PDE4D: variants seen among roughly 807,000 people sequenced by gnomAD.
PDE4D encodes the protein 3',5'-cyclic-AMP phosphodiesterase 4D.
PDE4D carries 24 observed loss-of-function variants against 87.4 expected under a neutral mutation model. The observed-to-expected ratio is 0.27, with a 90% CI of 0.20 to 0.39. PDE4D has a LOEUF of 0.39. Among genes scored for constraint, PDE4D ranks in the 10% least tolerant of loss-of-function variants. The pLI, the probability that PDE4D is intolerant of heterozygous loss-of-function variation, is 1.00. For missense variants in PDE4D, 714 were observed against 1,041.0 expected, an observed-to-expected ratio of 0.69 and a Z score of 4.32; for synonymous variants, 384 against 383.2, an observed-to-expected ratio of 1.00 and a Z score of -0.02.
In PDE4D at chr5:59,653,904, G is replaced by C. The variant is rs562137965; in HGVS notation, c.455+239264C>G. Among the ~76,000 whole-genome samples the C allele has an allele frequency of 7.5e-5, 11 of 146,990 alleles. No individual in the cohort carries two copies. In the South Asian group the frequency reaches 2.5e-3, roughly 33 times the overall value. On this transcript the variant is annotated intron_variant, in intron 1 of 14. Transcript: ENST00000340635. The stretch of plus-strand genomic sequence containing the variant: ...AGGGGAGAGGAGAAGGGTGGGAGGG[G>C]AGGGGAAAAAGGGAGGGGAGGCCAG...
In PDE4D at chr5:59,933,792, T is replaced by TATATATATATATATATATA. The variant is rs1561879282; in HGVS notation, c.272+54695_272+54696insTATATATATATATATATAT. Among the ~76,000 whole-genome samples the TATATATATATATATATATA allele has an allele frequency of 6.7e-4, 67 of 99,418 alleles. 1 individual carries two copies. Among genetic ancestry groups the TATATATATATATATATATA allele is most frequent in the African/African-American group, 3.2e-3 (65 of 20,540 alleles). 65.2% of individuals were successfully genotyped at this position (99,418 alleles called of 152,430 possible). On this transcript the variant is annotated intron_variant, in intron 3 of 16. Transcript: ENST00000502484. The stretch of plus-strand genomic sequence containing the variant: ...AGGAGATATATATATATATATATAT[T>TATATATATATATATATATA]AATAAGCATTCATATAAAAGATAAT...
rs145765922 is a variant in PDE4D, at chr5:59,726,684, G to A, written c.455+166484C>T. 1.7e-4 allele frequency among the ~76,000 whole-genome samples: 26 copies of A among 152,156 alleles called. No homozygotes were observed. In the East Asian group the frequency reaches 4.3e-3, roughly 25 times the overall value. The stretch of plus-strand genomic sequence containing the variant: ...CTGACTAAAACCCTCATGTGCCAAC[G>A]TAATATCGTTTTAGTTATAAATTTA... On this transcript the variant is annotated intron_variant, in intron 1 of 14. Transcript: ENST00000340635.
intron 5 of PDE4D, among the ~76,000 whole-genome samples, chr5:59,060,407 T>C (rs1043771700): frequency 2.0e-5 from 3 of 152,110 alleles, no homozygotes; most frequent in African/African-American, 7.2e-5. Context: ...CAAACACCAA[T>C]AACAAAAAAT....
intron 1 of PDE4D, among the ~76,000 whole-genome samples, chr5:59,350,948 T>C (rs1386740592): frequency 6.6e-6 from 1 of 152,208 alleles, no homozygotes; most frequent in Non-Finnish European, 1.5e-5. Flanking sequence ...ATGTGCAAGT[T>C]GCTTATAAGG....
At chr5:60,199,496 G>T (rs1317714158) in intron 1 of PDE4D, among the ~76,000 whole-genome samples, 1 of 151,656 alleles carries the variant, frequency 6.6e-6, no homozygotes, top group East Asian at 1.9e-4. Context: ...GCTAATAGAT[G>T]AATTTCTTAG....
intron 1 of PDE4D, among the ~76,000 whole-genome samples, chr5:59,880,977 C>T (rs1292090198): frequency 6.6e-6 from 1 of 152,094 alleles, no homozygotes; most frequent in Non-Finnish European, 1.5e-5. Flanking sequence ...CCACATCTTA[C>T]TACCCCCAAA....
intron 1 of PDE4D, among the ~76,000 whole-genome samples, chr5:59,396,473 A>T (rs1789444361): frequency 1.1e-5 from 1 of 92,886 alleles, no homozygotes; most frequent in Non-Finnish European, 2.1e-5. Flanking sequence ...TTTCATATCC[A>T]GCCAAACTAA....
At chr5:60,295,908 T>C (rs777884306) in intron 1 of PDE4D, among the ~76,000 whole-genome samples, 12 of 152,148 alleles carry the variant, frequency 7.9e-5, no homozygotes, top group Non-Finnish European at 1.6e-4. Context: ...ACAACAGTAA[T>C]TTATTTCTCA....
At chr5:60,320,130 C>T (rs1272907610) in intron 1 of PDE4D, among the ~76,000 whole-genome samples, 1 of 152,218 alleles carries the variant, frequency 6.6e-6, no homozygotes, top group East Asian at 1.9e-4. Context: ...TGGGCTCCAC[C>T]CAGTTCGAGC....
chr5:60,436,695 T>C (rs971636153), intron 1 of PDE4D, among the ~76,000 whole-genome samples: 16 of 152,176 alleles, frequency 1.1e-4, no homozygotes, highest in African/African-American at 3.9e-4. Flanking sequence ...TTAGAAGCAG[T>C]AGGAGTCTTC....
intron 1 of PDE4D, among the ~76,000 whole-genome samples, chr5:59,222,963 A>G (rs907420674): frequency 6.6e-6 from 1 of 152,170 alleles, no homozygotes. Context: ...TTTTTCTCCC[A>G]GGGAGATCTT....
At chr5:59,897,202 C>G (rs1751750992), upstream of PDE4D, among the ~76,000 whole-genome samples, 1 of 152,164 alleles carries the variant, frequency 6.6e-6, no homozygotes, top group Non-Finnish European at 1.5e-5. Context: ...ATGTCATTAC[C>G]ACCCCCACCC....
chr5:60,365,322 C>A (rs1191552595), intron 1 of PDE4D, among the ~76,000 whole-genome samples: 2 of 152,158 alleles, frequency 1.3e-5, no homozygotes, highest in Non-Finnish European at 2.9e-5. Context: ...TGATTTCCAG[C>A]TCCTTTTGAA....
intron 6 of PDE4D, among the ~76,000 whole-genome samples, chr5:59,028,025 G>A (rs1033795346): frequency 6.6e-6 from 1 of 151,914 alleles, no homozygotes; most frequent in Non-Finnish European, 1.5e-5. Flanking sequence ...TTGTGTGCCT[G>A]GGTTACTTTC....
chr5:60,114,184 T>A (rs1057462739), intron 2 of PDE4D, among the ~76,000 whole-genome samples: 9 of 152,160 alleles, frequency 5.9e-5, no homozygotes, highest in Non-Finnish European at 1.2e-4. Flanking sequence ...ACAATGGATG[T>A]TCACATTAGG....
chr5:59,514,402 G>A (rs547754081), intron 1 of PDE4D, among the ~76,000 whole-genome samples: 11 of 152,198 alleles, frequency 7.2e-5, no homozygotes, highest in African/African-American at 2.6e-4. Context: ...ACCGCACCCG[G>A]CCTTCATTTT....
At chr5:60,412,985 A>G (rs995701859) in intron 1 of PDE4D, among the ~76,000 whole-genome samples, 4 of 152,222 alleles carry the variant, frequency 2.6e-5, no homozygotes, top group African/African-American at 9.6e-5. Flanking sequence ...ATTTAGATCC[A>G]CTTCAGTCTG....
chr5:59,655,718 C>T (rs552946905), intron 1 of PDE4D, among the ~76,000 whole-genome samples: 1 of 152,268 alleles, frequency 6.6e-6, no homozygotes, highest in Admixed American at 6.5e-5. Context: ...TCTGGCCCAA[C>T]CAGAAACAGA....
intron 1 of PDE4D, among the ~76,000 whole-genome samples, chr5:60,317,568 A>C (rs1459286861): frequency 2.0e-5 from 3 of 151,934 alleles, no homozygotes; most frequent in Non-Finnish European, 4.4e-5. Context: ...TAGTTCTTTT[A>C]ATTGTGATGT....
Sources: gnomAD v4.1 joint callset for allele counts (sites outside exome capture counted in the v4.1 genomes callset) on GRCh38, gnomAD v4.1.1 for gene constraint, MANE v1.5 for transcripts, NCBI Gene and HGNC (gene_info 2026-07-23, HGNC 2026-07-21) for gene names.